Variants in PCNX3 observed in about 807,000 individuals in gnomAD.
PCNX3 encodes pecanex 3, also known as pecanex-like protein 3.
PCNX3 carries 58 observed loss-of-function variants against 207.2 expected under a neutral mutation model. The ratio of observed to expected loss-of-function variants is 0.28; its 90% CI spans 0.23 to 0.35. PCNX3 has a LOEUF of 0.35. Ranked by LOEUF, PCNX3 falls within the 10% of genes least tolerant of loss-of-function variation. The pLI is 1.00. For synonymous variants in PCNX3, 1,337 were observed against 1,183.5 expected, an observed-to-expected ratio of 1.13 and a Z score of -2.66; for missense variants, 2,410 against 2,774.4, an observed-to-expected ratio of 0.87 and a Z score of 2.95.
In PCNX3 at chr11:65,626,015, G is replaced by C. The variant is rs756805973; in HGVS notation, c.3340G>C (p.Val1114Leu). ...QLPWFCLSQP[V>L]LKPLEYSQYE... ...GCCCTGGTTCTGCCTGTCACAGCCC[G>C]TGCTGAAGCCGCTGGAGTACAGCCA... The change falls in exon 20 of 35, where the codon GTG (valine) becomes CTG (leucine). Residue 1114 changes from valine to leucine, a missense_variant. This residue lies in a region of PCNX3 where 333 missense variants were observed against 386.8 expected (regional missense o/e 0.86). Coordinates refer to ENST00000355703, the MANE Select transcript of PCNX3 (RefSeq NM_032223.4). The C allele has an allele frequency of 3.7e-6, 6 of 1,612,640 alleles. No homozygotes were observed. Among genetic ancestry groups the C allele is most frequent in the Non-Finnish European group, 5.1e-6 (6 of 1,179,456 alleles).
Position 65,618,134 on chromosome 11 carries a change from C to G in PCNX3, c.772C>G (p.Gln258Glu), listed in dbSNP as rs369521118. 6.2e-7 allele frequency: 1 copy of G among 1,610,530 alleles called. No individual in the cohort carries two copies. Among genetic ancestry groups the G allele is most frequent in the Non-Finnish European group, 8.5e-7 (1 of 1,178,426 alleles). ...ELSKSFLTLTQPDRALVRTSS... is the reference protein window; with the variant it reads ...ELSKSFLTLTEPDRALVRTSS... ...GAGCAAGAGCTTCCTGACCCTGACCCAGCCTGACCGGGCCCTGGTGAGGAC... is the reference window on the plus strand; with the variant it reads ...GAGCAAGAGCTTCCTGACCCTGACCGAGCCTGACCGGGCCCTGGTGAGGAC... The change falls in exon 6 of 35, where the codon CAG becomes GAG. Residue 258 changes from glutamine (Q) to glutamate (E), a missense_variant. Around this residue, in one of 8 missense-constraint regions of PCNX3, gnomAD observed 1,104 missense variants for 970.3 expected, o/e 1.14. Coordinates refer to ENST00000355703, the MANE Select transcript of PCNX3 (RefSeq NM_032223.4).
rs187327032 is a variant in PCNX3 at position 65,625,233 on chromosome 11, A to C, written c.2982A>C (p.Ala994=). The C allele has an allele frequency of 6.2e-7, 1 of 1,611,190 alleles. No individual in the cohort carries two copies. The highest frequency in any genetic ancestry group is 8.5e-7 in the Non-Finnish European group (1 of 1,179,690). Residue 994 remains alanine, a synonymous_variant, in exon 17 of 35, where the codon GCA becomes GCC. Transcript: ENST00000355703. The surrounding 1 kb of genome is among the most constrained non-coding windows in gnomAD (Gnocchi z 5.6). ...LFSVFCGLLV[A]LSYHLSRQSS... ...CAGTCTTCTGTGGCCTCCTGGTGGC[A>C]CTGTCCTACCACCTGAGCCGGCAGA... is the stretch of plus-strand genomic sequence containing the variant.
intron 5 of PCNX3, 79 bp downstream of exon 5, chr11:65,617,785 T>C: frequency 6.6e-7 from 1 of 1,508,010 alleles, no homozygotes; most frequent in Non-Finnish European, 9.0e-7. Flanking sequence ...TTTGGCTCCA[T>C]CCTGGGTCTC....
At chr11:65,626,176 C>T (rs1256842567) in intron 20 of PCNX3, 122 bp downstream of exon 20, 4 of 1,319,372 alleles carry the variant, frequency 3.0e-6, no homozygotes, top group Non-Finnish European at 4.2e-6. Context: ...CCACACTACC[C>T]TTTCTGCTCC....
chr11:65,616,701 T>G, intron 1 of PCNX3, 123 bp from the exon 2 acceptor site: 1 of 1,125,304 alleles, frequency 8.9e-7, no homozygotes, highest in Non-Finnish European at 1.3e-6. Flanking sequence ...TGTGTACTGG[T>G]TGTGTGGAGA....
In PCNX3 at chr11:65,635,921, CCCCT is replaced by C; in HGVS notation, c.5459+122_5459+125del. 1 of 1,392,794 alleles carries C rather than the reference CCCCT, an allele frequency of 7.2e-7. No homozygotes were observed. Among genetic ancestry groups the C allele is most frequent in the Admixed American group, 2.5e-5 (1 of 40,684 alleles). 86.3% of individuals were successfully genotyped at this position (1,392,794 alleles called of 1,614,324 possible). A position where few individuals can be genotyped will look rare whatever the true frequency, so the allele number is the denominator to read the frequency against. ...CAGGGCTTGAATCCCGAGAGATGACCCCCTCCCAGAGCTGACCTGCCCCTCCTAG... is the reference window on the plus strand; with the variant it reads ...CAGGGCTTGAATCCCGAGAGATGACCCCCAGAGCTGACCTGCCCCTCCTAG... On this transcript the variant is annotated intron_variant, in intron 32 of 34. Transcript: ENST00000355703. This position sits in a 1 kb window ranked among gnomAD's most constrained non-coding sequence, Gnocchi z 9.9.
At chr11:65,623,803 C>T (rs547971803) in intron 12 of PCNX3, 126 bp from the exon 13 acceptor site, 24 of 1,539,328 alleles carry the variant, frequency 1.6e-5, no homozygotes, top group Admixed American at 3.5e-5. Context: ...AACTGAGGCT[C>T]AGGACAGTTC....
intron 2 of PCNX3, 49 bp downstream of exon 2, chr11:65,617,060 G>A: frequency 6.5e-7 from 1 of 1,536,062 alleles, no homozygotes; most frequent in Middle Eastern, 2.1e-4. Context: ...TTGGTGCCTG[G>A]GCCGGAACCT....
At chr11:65,621,055 G>C in intron 10 of PCNX3, 89 bp downstream of exon 10, 1 of 1,449,766 alleles carries the variant, frequency 6.9e-7, no homozygotes, top group Non-Finnish European at 9.1e-7. Flanking sequence ...AGCTTGCCCA[G>C]GTGCCCCAGG....
Position 65,625,516 on chromosome 11 carries a change from G to A in PCNX3, c.3135+6G>A. 3 of 1,598,332 alleles carry A rather than the reference G, an allele frequency of 1.9e-6. No homozygotes were observed. The highest frequency in any genetic ancestry group is 2.6e-6 in the Non-Finnish European group (3 of 1,175,806). Reference sequence around the variant, plus strand: ...ACAAGATGCGCCAGTCGGTGGTGAGGGGGCGGGGGGTGGGGGTCTGTGGGG... The same window carrying A: ...ACAAGATGCGCCAGTCGGTGGTGAGAGGGCGGGGGGTGGGGGTCTGTGGGG... On this transcript the variant is annotated splice_donor_region_variant and intron_variant, in intron 18 of 34. Coordinates refer to ENST00000355703, the MANE Select transcript of PCNX3 (RefSeq NM_032223.4). This position sits in a 1 kb window ranked among gnomAD's most constrained non-coding sequence, Gnocchi z 5.6.
intron 8 of PCNX3, 62 bp downstream of exon 8, chr11:65,619,994 C>A: frequency 6.7e-7 from 1 of 1,498,932 alleles, no homozygotes; most frequent in South Asian, 1.3e-5. Flanking sequence ...AGCCTGAGTC[C>A]TCCTAGCAGT....
intron 29 of PCNX3, 54 bp downstream of exon 29, chr11:65,634,695 C>T: frequency 2.7e-6 from 4 of 1,454,732 alleles, no homozygotes; most frequent in Non-Finnish European, 3.7e-6. Flanking sequence ...CCACCTCTTC[C>T]ACGAAGAGCA....
rs370371020 is a variant in PCNX3, at chr11:65,628,823, G to A, written c.3816G>A (p.Ser1272=). ...AFAQPFAVPH[S]AMLFVQALLS... ...GCCTCCTTGACTGTGGCTCAGACTCGGCCATGCTGTTCGTCCAGGCCCTGC... is the reference window on the plus strand; with the variant it reads ...GCCTCCTTGACTGTGGCTCAGACTCAGCCATGCTGTTCGTCCAGGCCCTGC... Residue 1272 remains serine, a synonymous_variant, in exon 24 of 35, where the codon TCG becomes TCA. Coordinates refer to ENST00000355703, the MANE Select transcript of PCNX3 (RefSeq NM_032223.4). 98 of 1,611,478 alleles carry A rather than the reference G, an allele frequency of 6.1e-5. No homozygotes were observed. The African/African-American group carries it at 9.1e-4, about 15-fold the overall frequency.
intron 12 of PCNX3, 57 bp from the exon 13 acceptor site, chr11:65,623,872 C>T (rs1294228736): frequency 1.9e-6 from 3 of 1,610,940 alleles, no homozygotes; most frequent in Admixed American, 1.7e-5. Context: ...GGTCTGGGGC[C>T]TCTGACCATC....
intron 20 of PCNX3, chr11:65,626,518 C>T: frequency 2.5e-6 from 1 of 406,844 alleles, no homozygotes; most frequent in Non-Finnish European, 4.6e-6. Context: ...GAAGATTTTG[C>T]TTCCCAGACT....
chr11:65,623,689 C>T, intron 12 of PCNX3, 45 bp downstream of exon 12: 1 of 1,595,336 alleles, frequency 6.3e-7, no homozygotes, highest in Non-Finnish European at 8.6e-7. Flanking sequence ...CGACTTTTCC[C>T]AAGATTGCCC....
intron 27 of PCNX3, among the ~76,000 whole-genome samples, chr11:65,633,180 G>A (rs1325958787): frequency 6.6e-6 from 1 of 152,188 alleles, no homozygotes; most frequent in Non-Finnish European, 1.5e-5. Context: ...ATCTTAGGGT[G>A]GCACATGGAA....
Position 65,635,878 on chromosome 11 carries a change from G to A in PCNX3, c.5459+75G>A, listed in dbSNP as rs1855812320. 1.1e-5 allele frequency: 16 copies of A among 1,493,902 alleles called. No homozygotes were observed. The East Asian group carries it at 3.3e-4, about 31-fold the overall frequency. 92.5% of individuals were successfully genotyped at this position (1,493,902 alleles called of 1,614,324 possible). A position where few individuals can be genotyped will look rare whatever the true frequency, so the allele number is the denominator to read the frequency against. ...CAGTACGTCCCTCCTGGGTCTCAGA[G>A]GGAGGACGTGCTGGAGCCAGGGCTT... On this transcript the variant is annotated intron_variant, in intron 32 of 34. Coordinates refer to ENST00000355703, the MANE Select transcript of PCNX3 (RefSeq NM_032223.4). The surrounding 1 kb of genome is among the most constrained non-coding windows in gnomAD (Gnocchi z 9.9).
intron 13 of PCNX3, 69 bp downstream of exon 13, chr11:65,624,030 G>A (rs1485110322): frequency 6.3e-7 from 1 of 1,599,984 alleles, no homozygotes; most frequent in Non-Finnish European, 8.5e-7. Flanking sequence ...GTGGGGAGGA[G>A]GGTAGGGTAT....
Sources: gnomAD v4.1 joint callset for allele counts (sites outside exome capture counted in the v4.1 genomes callset) on GRCh38, gnomAD v4.1.1 for gene constraint, gnomAD v4.1.1 regional missense constraint, Gnocchi (gnomAD v3.1) non-coding constraint, MANE v1.5 for transcripts, NCBI Gene and HGNC (gene_info 2026-07-23, HGNC 2026-07-21) for gene names.